The following UBR1 variants were observed in gnomAD, a reference collection of about 807,000 sequenced individuals.
The protein encoded by UBR1 is ubiquitin protein ligase E3 component n-recognin 1.
A neutral mutation model predicts 242.1 loss-of-function variants in UBR1; 102 were observed. That is an observed-to-expected ratio of 0.42 (90% CI 0.36 to 0.50). The LOEUF (loss-of-function observed/expected upper bound fraction) is 0.50. Ranked by LOEUF, UBR1 falls within the 20% of genes least tolerant of loss-of-function variation. The pLI is 0.01. For missense variants in UBR1, 1,772 were observed against 2,101.8 expected, an observed-to-expected ratio of 0.84 and a Z score of 3.07; for synonymous variants, 675 against 684.8, an observed-to-expected ratio of 0.99 and a Z score of 0.22.
In UBR1 at chr15:43,060,094, C is replaced by T. The variant is rs371383925; in HGVS notation, c.819G>A (p.Ala273=). 6.8e-6 allele frequency: 11 copies of T among 1,613,952 alleles called. No homozygotes were observed. The highest frequency in any genetic ancestry group is 6.8e-6 in the Non-Finnish European group (8 of 1,180,012). The part of the protein sequence containing the change: ...IDKEGRRAVK[A]GAYAACQEAK... The stretch of plus-strand genomic sequence containing the variant: ...CTTCCTGGCAAGCAGCATAAGCTCC[C>T]GCTTTAACAGCCCGACGACCCTAAT... Residue 273 remains alanine, a synonymous_variant, in exon 7 of 47, where the codon GCG becomes GCA. Coordinates refer to ENST00000290650, the MANE Select transcript of UBR1 (RefSeq NM_174916.3).
intron 1 of UBR1, among the ~76,000 whole-genome samples, chr15:43,100,037 G>A (rs2034211396): frequency 2.0e-5 from 3 of 152,110 alleles, no homozygotes; most frequent in South Asian, 2.1e-4. Context: ...CATCATGCCC[G>A]GCTAATTTTT....
chr15:43,043,244 A>G lies in UBR1; in HGVS notation c.1820T>C (p.Ile607Thr). ...SYRVSEDLVS[I>T]HLPLSRTLAG... ...AAGGGTCCTAGAGAGTGGCAGATGT[A>G]TGCTTACAAGATCCTCAGATACTCT... Residue 607 changes from isoleucine (I) to threonine (T), a missense_variant, in exon 15 of 47, where the codon ATA (isoleucine) becomes ACA (threonine). Transcript: ENST00000290650. The G allele has an allele frequency of 6.2e-7, 1 of 1,614,160 alleles. No individual in the cohort carries two copies. The highest frequency in any genetic ancestry group is 8.5e-7 in the Non-Finnish European group (1 of 1,180,012).
rs58586323 is a variant in UBR1 at position 43,091,906 on chromosome 15, C to CAAAA, written c.82-5670_82-5667dup. 4.6e-3 allele frequency: 828 copies of CAAAA among 180,028 alleles called. 2 individuals are homozygous for CAAAA. The highest frequency in any genetic ancestry group is 6.9e-3 in the Admixed American group (71 of 10,312). The allele number at this position is 180,028 out of a possible 1,614,324, so 11.2% of individuals were successfully genotyped here. On this transcript the variant is annotated intron_variant, in intron 1 of 46. Transcript: ENST00000290650. ...GAGATCATGCCACTGTACACCATCTCAAAAAAAAAAAAAAAAAAAAAAAAA... is the reference window on the plus strand; with the variant it reads ...GAGATCATGCCACTGTACACCATCTCAAAAAAAAAAAAAAAAAAAAAAAAAAAAA...
intron 37 of UBR1, among the ~76,000 whole-genome samples, chr15:42,982,482 T>A (rs904483142): frequency 6.6e-5 from 10 of 152,176 alleles, no homozygotes; most frequent in Middle Eastern, 3.2e-3. Context: ...GCATCAACAT[T>A]AGATTTCTAT....
chr15:43,019,041 CAAG>C (rs2033067636), intron 27 of UBR1, among the ~76,000 whole-genome samples: 1 of 152,028 alleles, frequency 6.6e-6, no homozygotes, highest in South Asian at 2.1e-4. Flanking sequence ...AAATCTACTT[CAAG>C]AAGAATTTTA....
At chr15:43,002,805 T>C in intron 31 of UBR1, 101 bp from the exon 32 acceptor site, 1 of 1,500,828 alleles carries the variant, frequency 6.7e-7, no homozygotes, top group Non-Finnish European at 9.2e-7. Context: ...TCTGGAATTT[T>C]TGCCCCAATA....
At chr15:42,961,011 C>T (rs2032007352) in intron 42 of UBR1, among the ~76,000 whole-genome samples, 1 of 152,146 alleles carries the variant, frequency 6.6e-6, no homozygotes, top group South Asian at 2.1e-4. Flanking sequence ...CCGCCCGCCT[C>T]AGCCTCCCAA....
intron 26 of UBR1, among the ~76,000 whole-genome samples, chr15:43,022,049 A>G (rs1321610142): frequency 6.6e-6 from 1 of 152,138 alleles, no homozygotes. Context: ...TTAATGAGAA[A>G]CAAAATTGCC....
intron 32 of UBR1, among the ~76,000 whole-genome samples, chr15:42,999,552 G>A (rs1596092718): frequency 6.6e-6 from 1 of 152,296 alleles, no homozygotes; most frequent in East Asian, 1.9e-4. Context: ...AGAAGGGCTG[G>A]GTGCAGTGGC....
intron 32 of UBR1, among the ~76,000 whole-genome samples, chr15:43,001,398 C>T (rs974556747): frequency 2.6e-5 from 4 of 152,356 alleles, no homozygotes; most frequent in East Asian, 3.9e-4. Context: ...CCGCCCACCT[C>T]GGCTTCCCAA....
chr15:43,001,803 A>AT (rs2032729320), intron 32 of UBR1, among the ~76,000 whole-genome samples: 2 of 152,162 alleles, frequency 1.3e-5, no homozygotes, highest in African/African-American at 4.8e-5. Context: ...TTTCTATTTA[A>AT]TTTTTTTAGT....
At chr15:43,008,272 G>C (rs564509084) in intron 29 of UBR1, among the ~76,000 whole-genome samples, 2 of 152,378 alleles carry the variant, frequency 1.3e-5, no homozygotes, top group South Asian at 4.1e-4. Flanking sequence ...CCCGGGCACA[G>C]CTGCAACTGC....
Position 43,032,551 on chromosome 15 carries a change from TTG to T in UBR1, c.2254+15_2254+16del, listed in dbSNP as rs752502954. The T allele has an allele frequency of 8.8e-5, 133 of 1,504,478 alleles. No individual in the cohort carries two copies. Among genetic ancestry groups the T allele is most frequent in the Non-Finnish European group, 1.1e-4 (123 of 1,086,740 alleles). 93.2% of individuals were successfully genotyped at this position (1,504,478 alleles called of 1,614,324 possible). A position where few individuals can be genotyped will look rare whatever the true frequency, so the allele number is the denominator to read the frequency against. Reference sequence around the variant, plus strand: ...GTAACCCATGTTCTATTTCAAAACATTGTGTTTTAATCTTACCCACAATATAG... The same window carrying T: ...GTAACCCATGTTCTATTTCAAAACATTGTTTTAATCTTACCCACAATATAG... On this transcript the variant is annotated intron_variant, in intron 20 of 46. Transcript: ENST00000290650.
intron 33 of UBR1, among the ~76,000 whole-genome samples, chr15:42,996,587 CAAACAAAA>C (rs2032642962): frequency 6.6e-6 from 1 of 151,918 alleles, no homozygotes; most frequent in African/African-American, 2.4e-5. Context: ...TCTAAACAAA[CAAACAAAA>C]AAACAACAAA....
chr15:42,947,045 G>T (rs1156647404), intron 46 of UBR1, among the ~76,000 whole-genome samples: 1 of 152,152 alleles, frequency 6.6e-6, no homozygotes, highest in African/African-American at 2.4e-5. Flanking sequence ...CAGCTACTTG[G>T]GAGGCTGAGG....
chr15:43,008,453 T>C (rs940655436), intron 29 of UBR1, among the ~76,000 whole-genome samples: 2 of 152,246 alleles, frequency 1.3e-5, no homozygotes, highest in Non-Finnish European at 2.9e-5. Flanking sequence ...CTCTGGTCTT[T>C]GGGTGCTGAT....
rs761815089 is a variant in UBR1 at position 42,988,821 on chromosome 15, A to G, written c.3995T>C (p.Ile1332Thr). Reference protein sequence around the residue: ...WSTCAFTIQAIENLLGDEGKP... With the variant: ...WSTCAFTIQATENLLGDEGKP... ...ACCAGTTTTCTTATGAGCTTTACCA[A>G]TTGCCTGGATAGTGAAAGCGCAGGT... The change falls in exon 35 of 47, where the codon ATT (isoleucine) becomes ACT (threonine). Residue 1332 changes from isoleucine (I) to threonine (T), a missense_variant and splice_region_variant. This residue lies in a region of UBR1 where 965 missense variants were observed against 1,079.7 expected (regional missense o/e 0.89). Coordinates refer to ENST00000290650, the MANE Select transcript of UBR1 (RefSeq NM_174916.3). 1 of 1,614,166 alleles carries G rather than the reference A, an allele frequency of 6.2e-7. No homozygotes were observed. Among genetic ancestry groups the G allele is most frequent in the East Asian group, 2.2e-5 (1 of 44,878 alleles).
chr15:42,963,180 C>G (rs2032050074), intron 42 of UBR1, among the ~76,000 whole-genome samples: 1 of 151,742 alleles, frequency 6.6e-6, no homozygotes. Context: ...AATGAGGAAG[C>G]AAAGAAAAGA....
intron 1 of UBR1, among the ~76,000 whole-genome samples, chr15:43,089,087 G>C (rs964757104): frequency 3.3e-5 from 5 of 151,598 alleles, no homozygotes; most frequent in East Asian, 3.9e-4. Context: ...GCTTGAACCC[G>C]AGAGGCAGAA....
Sources: allele counts gnomAD v4.1 joint callset (sites outside exome capture counted in the v4.1 genomes callset), GRCh38; gene constraint gnomAD v4.1.1; regional missense constraint gnomAD v4.1.1; transcripts MANE v1.5; gene names NCBI Gene and HGNC (gene_info 2026-07-23, HGNC 2026-07-21).